ZNF804A: variants seen among roughly 807,000 people sequenced by gnomAD.
ZNF804A encodes zinc finger protein 804A.
Under a neutral mutation model 16.5 loss-of-function variants are expected in ZNF804A, and 2 were observed. That is an observed-to-expected ratio of 0.12 (90% CI 0.05 to 0.38). The LOEUF (loss-of-function observed/expected upper bound fraction) is 0.38, where lower values mean the gene tolerates loss of function less well. Ranked by LOEUF, ZNF804A falls within the 10% of genes least tolerant of loss-of-function variation. The pLI, the probability that ZNF804A is intolerant of heterozygous loss-of-function variation, is 0.99. For missense variants in ZNF804A, 1,473 were observed against 1,390.7 expected (o/e 1.06, Z -0.94); for synonymous variants, 534 against 489.6 (o/e 1.09, Z -1.20).
At chr2:184,907,261 C>G (rs1044638729) in intron 2 of ZNF804A, among the ~76,000 whole-genome samples, 2 of 151,506 alleles carry the variant, frequency 1.3e-5, no homozygotes, top group Admixed American at 1.3e-4. Flanking sequence ...ATTCTCTCAC[C>G]ATCCTGTATT....
chr2:184,747,387 C>T (rs1693806417), intron 1 of ZNF804A, among the ~76,000 whole-genome samples: 1 of 141,344 alleles, frequency 7.1e-6, no homozygotes, highest in Non-Finnish European at 1.5e-5. Context: ...TACAGATGTT[C>T]TCAAAATAGA....
chr2:184,647,056 C>G (rs1036472770), intron 1 of ZNF804A, among the ~76,000 whole-genome samples: 1 of 152,166 alleles, frequency 6.6e-6, no homozygotes, highest in Non-Finnish European at 1.5e-5. Flanking sequence ...TAAAAACCAT[C>G]AACTGGCTCA....
intron 1 of ZNF804A, among the ~76,000 whole-genome samples, chr2:184,774,258 T>G (rs936417581): frequency 6.6e-6 from 1 of 151,914 alleles, no homozygotes; most frequent in South Asian, 2.1e-4. Context: ...AGAATTTACA[T>G]CTATTTGGTA....
In ZNF804A at chr2:184,598,823, C is replaced by G. The variant is rs1450352022; in HGVS notation, c.-137C>G. On this transcript the variant is annotated 5_prime_UTR_variant, in exon 1 of 4. Coordinates refer to ENST00000302277, the MANE Select transcript of ZNF804A (RefSeq NM_194250.2). Reference sequence around the variant, plus strand: ...ACAGAGGGGTGCAGTGAGCCAGTCTCCAGAGGACGTGCCGGGGGTGGCTGC... The same window carrying G: ...ACAGAGGGGTGCAGTGAGCCAGTCTGCAGAGGACGTGCCGGGGGTGGCTGC... The G allele has an allele frequency of 2.1e-6, 1 of 481,236 alleles. No homozygotes were observed. Among genetic ancestry groups the G allele is most frequent in the Non-Finnish European group, 3.5e-6 (1 of 282,660 alleles). 29.8% of individuals were successfully genotyped at this position (481,236 alleles called of 1,614,324 possible). A position where few individuals can be genotyped will look rare whatever the true frequency, so the allele number is the denominator to read the frequency against.
chr2:184,881,806 C>G (rs1201914064), intron 2 of ZNF804A, among the ~76,000 whole-genome samples: 1 of 151,966 alleles, frequency 6.6e-6, no homozygotes, highest in African/African-American at 2.4e-5. Context: ...GCTAAACATA[C>G]AGGAAACACT....
rs201664547 is a variant in ZNF804A at position 184,937,433 on chromosome 2, T to A, written c.2037T>A (p.Thr679=). 103 of 1,612,414 alleles carry A rather than the reference T, an allele frequency of 6.4e-5. No individual in the cohort carries two copies. The East Asian group carries it at 2.1e-3, about 33-fold the overall frequency. The change falls in exon 4 of 4, where the codon ACT becomes ACA. Residue 679 remains threonine, a synonymous_variant. Transcript: ENST00000302277. ...AAGAAATGTGTAAAACATGGAATAC[T>A]GAATACAACACTTATGATACTATCA... is the stretch of plus-strand genomic sequence containing the variant. ...DNEEMCKTWN[T]EYNTYDTISS...
chr2:184,667,737 A>G (rs1363448976), intron 1 of ZNF804A, among the ~76,000 whole-genome samples: 1 of 151,826 alleles, frequency 6.6e-6, no homozygotes, highest in East Asian at 1.9e-4. Context: ...ATCTCAGCTT[A>G]TTATCTGTAG....
At chr2:184,748,851 C>T (rs1693834741) in intron 1 of ZNF804A, among the ~76,000 whole-genome samples, 1 of 151,360 alleles carries the variant, frequency 6.6e-6, no homozygotes, top group African/African-American at 2.4e-5. Flanking sequence ...GAGTCCTTTC[C>T]TCATTGCTTC....
At chr2:184,648,111 GAA>G (rs1339340802) in intron 1 of ZNF804A, among the ~76,000 whole-genome samples, 1 of 151,800 alleles carries the variant, frequency 6.6e-6, no homozygotes, top group African/African-American at 2.4e-5. Context: ...ATAATTTTAA[GAA>G]AAGAAAAGAA....
intron 1 of ZNF804A, among the ~76,000 whole-genome samples, chr2:184,796,729 T>G (rs1460586851): frequency 6.6e-6 from 1 of 152,276 alleles, no homozygotes; most frequent in South Asian, 2.1e-4. Context: ...AATGTCAGTT[T>G]GTGCTCTTTC....
At chr2:184,606,402 C>T (rs370763283) in intron 1 of ZNF804A, among the ~76,000 whole-genome samples, 1 of 152,122 alleles carries the variant, frequency 6.6e-6, no homozygotes, top group Non-Finnish European at 1.5e-5. Context: ...AGCTCACTTA[C>T]TATCACGAGA....
At chr2:184,879,127 T>C (rs1164869091) in intron 2 of ZNF804A, among the ~76,000 whole-genome samples, 2 of 150,492 alleles carry the variant, frequency 1.3e-5, no homozygotes, top group South Asian at 2.1e-4. Flanking sequence ...AAACAAGATA[T>C]ATTTGTGTGT....
chr2:184,772,964 T>C lies in ZNF804A; in HGVS notation c.112-93405T>C, dbSNP rs569370096. Among the ~76,000 whole-genome samples, 6 of 117,170 alleles carry C rather than the reference T, an allele frequency of 5.1e-5. No individual in the cohort carries two copies. The East Asian group carries it at 1.3e-3, about 25-fold the overall frequency. The allele number at this position is 117,170 out of a possible 152,430, so 76.9% of individuals were successfully genotyped here. A position where few individuals can be genotyped will look rare whatever the true frequency, so the allele number is the denominator to read the frequency against. The stretch of plus-strand genomic sequence containing the variant: ...ATACATATACATATATACATATACA[T>C]ATATATGTATATATATATGTGTGTG... On this transcript the variant is annotated intron_variant, in intron 1 of 3. Transcript: ENST00000302277.
intron 1 of ZNF804A, among the ~76,000 whole-genome samples, chr2:184,659,914 C>CG (rs1559119826): frequency 2.6e-5 from 4 of 152,064 alleles, no homozygotes; most frequent in African/African-American, 4.8e-5. Context: ...CAGACCTGAA[C>CG]AGGGGGAAAT....
chr2:184,642,701 C>G (rs566428867), intron 1 of ZNF804A, among the ~76,000 whole-genome samples: 1 of 152,234 alleles, frequency 6.6e-6, no homozygotes, highest in East Asian at 1.9e-4. Context: ...CTCATTCCTC[C>G]TACTACCCAC....
At chr2:184,749,896 A>G (rs920312455) in intron 1 of ZNF804A, among the ~76,000 whole-genome samples, 1 of 151,312 alleles carries the variant, frequency 6.6e-6, no homozygotes, top group African/African-American at 2.4e-5. Context: ...ATTACAAAAG[A>G]TTTAAGATCC....
chr2:184,899,051 G>A (rs1685134110), intron 2 of ZNF804A, among the ~76,000 whole-genome samples: 1 of 151,670 alleles, frequency 6.6e-6, no homozygotes, highest in Admixed American at 6.6e-5. Context: ...ATTCAGTGGT[G>A]GTAAGATTAT....
In ZNF804A at chr2:184,856,025, C is replaced by T. The variant is rs1488234608; in HGVS notation, c.112-10344C>T. ...CTGATAAATGGAGAAATAGCCAAAA[C>T]GATTCTGAAGCAAGGTGATAATAAT... On this transcript the variant is annotated intron_variant, in intron 1 of 3. Coordinates refer to ENST00000302277, the MANE Select transcript of ZNF804A (RefSeq NM_194250.2). Among the ~76,000 whole-genome samples, 4 of 151,896 alleles carry T rather than the reference C, an allele frequency of 2.6e-5. No homozygotes were observed. In the East Asian group the frequency reaches 5.8e-4, roughly 22 times the overall value.
chr2:184,762,181 T>A (rs1369030841), intron 1 of ZNF804A, among the ~76,000 whole-genome samples: 1 of 147,252 alleles, frequency 6.8e-6, no homozygotes, highest in Non-Finnish European at 1.5e-5. Flanking sequence ...ATAGCCCTAA[T>A]GAAATGCTTT....
Sources: gnomAD v4.1 joint callset for allele counts (sites outside exome capture counted in the v4.1 genomes callset) on GRCh38, gnomAD v4.1.1 for gene constraint, MANE v1.5 for transcripts, NCBI Gene and HGNC (gene_info 2026-07-23, HGNC 2026-07-21) for gene names.